The following ERBB4 variants were observed in gnomAD, a reference collection of about 807,000 sequenced individuals.
ERBB4 encodes erb-b2 receptor tyrosine kinase 4, also known as receptor tyrosine-protein kinase erbB-4.
ERBB4 carries 42 observed loss-of-function variants against 158.0 expected under a neutral mutation model. That is an observed-to-expected ratio of 0.27 (90% confidence interval 0.21 to 0.34). The LOEUF is 0.34. Among genes scored for constraint, ERBB4 ranks in the 10% least tolerant of loss-of-function variants. The pLI is 1.00. For synonymous variants in ERBB4, 583 were observed against 558.7 expected, an observed-to-expected ratio of 1.04 and a Z score of -0.61; for missense variants, 1,333 against 1,624.1, an observed-to-expected ratio of 0.82 and a Z score of 3.08.
chr2:211,746,853 C>T (rs915199715), intron 5 of ERBB4, among the ~76,000 whole-genome samples: 2 of 150,602 alleles, frequency 1.3e-5, no homozygotes, highest in African/African-American at 4.9e-5. Context: ...AAAAACCCTC[C>T]ATTCAAATAT....
intron 2 of ERBB4, among the ~76,000 whole-genome samples, chr2:212,004,603 C>T (rs1209137365): frequency 1.3e-5 from 2 of 151,992 alleles, no homozygotes; most frequent in African/African-American, 4.8e-5. Flanking sequence ...CTGATTGATT[C>T]CAGGACTTTG....
intron 3 of ERBB4, among the ~76,000 whole-genome samples, chr2:211,916,450 G>C (rs557763047): frequency 6.6e-6 from 1 of 152,222 alleles, no homozygotes; most frequent in Admixed American, 6.5e-5. Context: ...AAAGCACTGG[G>C]ATTACGTGCA....
chr2:212,510,324 A>G (rs995434636), intron 1 of ERBB4, among the ~76,000 whole-genome samples: 2 of 151,210 alleles, frequency 1.3e-5, no homozygotes, highest in South Asian at 2.1e-4. Flanking sequence ...AGAAGGCTAC[A>G]TGTTTATATA....
chr2:211,556,875 G>T (rs147597813), intron 20 of ERBB4, among the ~76,000 whole-genome samples: 339 of 152,136 alleles, frequency 2.2e-3, no homozygotes, highest in African/African-American at 7.8e-3. Context: ...ACAGGGCTAT[G>T]GTATCCAACA....
intron 16 of ERBB4, among the ~76,000 whole-genome samples, chr2:211,634,840 A>G (rs563971011): frequency 6.3e-4 from 96 of 151,986 alleles, no homozygotes; most frequent in Middle Eastern, 3.4e-3. Flanking sequence ...ACCATGCCCA[A>G]TTAATTTTTG....
chr2:211,832,228 C>A (rs4673636), intron 3 of ERBB4, among the ~76,000 whole-genome samples: 122,977 of 152,036 alleles, frequency 0.81, 50,060 homozygotes, highest in Non-Finnish European at 0.86. Flanking sequence ...ACAGACTTGA[C>A]ATATAAGCCA....
intron 19 of ERBB4, among the ~76,000 whole-genome samples, chr2:211,584,864 T>C (rs995896674): frequency 5.9e-5 from 9 of 151,974 alleles, no homozygotes; most frequent in Admixed American, 5.2e-4. Context: ...TAATGTAATA[T>C]ATACAGGGAT....
intron 2 of ERBB4, among the ~76,000 whole-genome samples, chr2:212,003,085 A>AGAG (rs2076144975): frequency 2.6e-5 from 3 of 115,788 alleles, no homozygotes; most frequent in Admixed American, 1.0e-4. Flanking sequence ...GAGAGAGAGA[A>AGAG]AGAGAGACAG....
At chr2:212,271,388 T>C (rs1271750903) in intron 1 of ERBB4, among the ~76,000 whole-genome samples, 1 of 151,786 alleles carries the variant, frequency 6.6e-6, no homozygotes, top group African/African-American at 2.4e-5. Flanking sequence ...GGTATTTTTC[T>C]AAACCATGTG....
chr2:211,870,192 A>C (rs1314642413), intron 3 of ERBB4, among the ~76,000 whole-genome samples: 1 of 152,186 alleles, frequency 6.6e-6, no homozygotes, highest in Non-Finnish European at 1.5e-5. Context: ...AGTAAAACTC[A>C]ATATAGATTA....
At chr2:212,172,738 A>G (rs2081555732) in intron 1 of ERBB4, among the ~76,000 whole-genome samples, 1 of 152,066 alleles carries the variant, frequency 6.6e-6, no homozygotes, top group African/African-American at 2.4e-5. Flanking sequence ...TGATGAGAAC[A>G]CATGGACAAA....
chr2:211,721,687 C>T (rs985048685), intron 7 of ERBB4, among the ~76,000 whole-genome samples: 3 of 146,198 alleles, frequency 2.1e-5, no homozygotes, highest in Admixed American at 6.9e-5. Context: ...AAATATAATG[C>T]TAAGTATTCT....
chr2:211,695,001 C>A (rs762831583), intron 12 of ERBB4, among the ~76,000 whole-genome samples: 1 of 151,928 alleles, frequency 6.6e-6, no homozygotes. Context: ...GAAATGACGA[C>A]GATATAAAGT....
intron 3 of ERBB4, among the ~76,000 whole-genome samples, chr2:211,870,715 G>A (rs940864992): frequency 6.6e-6 from 1 of 151,756 alleles, no homozygotes. Flanking sequence ...ATTCTCAAAG[G>A]GACTCCTCAA....
Position 211,657,761 on chromosome 2 carries a change from G to A in ERBB4, c.1939C>T (p.His647Tyr), listed in dbSNP as rs1451131861. ...AAACATGGTAGATGTTACCTAGCAT[G>A]TTGTGGTAAAGTGGAATGGCCCGTC... ...PWTGHSTLPQ[H>Y]ARTPLIAAGV... The change falls in exon 16 of 28, where the codon CAT becomes TAT. Residue 647 changes from histidine to tyrosine, a missense_variant. Physicochemically the swap from His to Tyr is moderately conservative, Grantham distance 83. Around this residue, in one of 5 missense-constraint regions of ERBB4, gnomAD observed 245 missense variants for 247.5 expected, o/e 0.99. Transcript: ENST00000342788. 1 of 1,612,744 alleles carries A rather than the reference G, an allele frequency of 6.2e-7. No individual in the cohort carries two copies. Among genetic ancestry groups the A allele is most frequent in the Non-Finnish European group, 8.5e-7 (1 of 1,178,760 alleles).
At chr2:212,396,415 A>G (rs1241631668) in intron 1 of ERBB4, among the ~76,000 whole-genome samples, 1 of 151,990 alleles carries the variant, frequency 6.6e-6, no homozygotes, top group Non-Finnish European at 1.5e-5. Flanking sequence ...CCACTCACTA[A>G]CTCTCTGGCC....
chr2:212,101,517 G>A (rs1324089622), intron 2 of ERBB4, among the ~76,000 whole-genome samples: 1 of 151,400 alleles, frequency 6.6e-6, no homozygotes, highest in African/African-American at 2.4e-5. Flanking sequence ...GAGGAAACAC[G>A]CATACCACAA....
intron 1 of ERBB4, among the ~76,000 whole-genome samples, chr2:212,254,625 A>G (rs2084658778): frequency 6.6e-6 from 1 of 152,144 alleles, no homozygotes; most frequent in South Asian, 2.1e-4. Flanking sequence ...CGAATCCGTA[A>G]TTTTGTTTAT....
At chr2:212,360,009 A>C (rs1560109631) in intron 1 of ERBB4, among the ~76,000 whole-genome samples, 1 of 151,794 alleles carries the variant, frequency 6.6e-6, no homozygotes, top group East Asian at 1.9e-4. Flanking sequence ...GAATCAGAGA[A>C]TATCACATAA....
Sources: allele counts gnomAD v4.1 joint callset (sites outside exome capture counted in the v4.1 genomes callset), GRCh38; gene constraint gnomAD v4.1.1; regional missense constraint gnomAD v4.1.1; transcripts MANE v1.5; gene names NCBI Gene and HGNC (gene_info 2026-07-23, HGNC 2026-07-21).